Variants in GRIK4 observed in about 807,000 individuals in gnomAD.
The protein encoded by GRIK4 is glutamate receptor ionotropic, kainate 4.
Under a neutral mutation model 104.9 loss-of-function variants are expected in GRIK4, and 40 were observed. The ratio of observed to expected loss-of-function variants is 0.38; its 90% CI spans 0.30 to 0.50. The LOEUF (loss-of-function observed/expected upper bound fraction) is 0.50, where lower values mean the gene tolerates loss of function less well. Ranked by LOEUF, GRIK4 falls within the 20% of genes least tolerant of loss-of-function variation. GRIK4 has a pLI of 0.93. For missense variants in GRIK4, 1,047 were observed against 1,308.1 expected (o/e 0.80, Z 3.08); for synonymous variants, 485 against 524.9 (o/e 0.92, Z 1.04).
At chr11:120,828,737 C>T (rs1953339801) in intron 6 of GRIK4, among the ~76,000 whole-genome samples, 1 of 152,166 alleles carries the variant, frequency 6.6e-6, no homozygotes, top group African/African-American at 2.4e-5. Flanking sequence ...GCCGCCTCCT[C>T]CTCTCTCCTG....
chr11:120,671,630 C>T (rs10892597), intron 3 of GRIK4, among the ~76,000 whole-genome samples: 24,923 of 152,020 alleles, frequency 0.16, 2,281 homozygotes, highest in South Asian at 0.23. Context: ...GGATATTAGC[C>T]CTTGTCAGAT....
intron 3 of GRIK4, among the ~76,000 whole-genome samples, chr11:120,688,788 G>A (rs1950312534): frequency 6.6e-6 from 1 of 152,178 alleles, no homozygotes; most frequent in Admixed American, 6.5e-5. Flanking sequence ...GTCAGAAAGG[G>A]CGTGAGATGT....
At chr11:120,795,635 A>G (rs1952495906) in intron 3 of GRIK4, among the ~76,000 whole-genome samples, 1 of 152,254 alleles carries the variant, frequency 6.6e-6, no homozygotes, top group Admixed American at 6.5e-5. Flanking sequence ...TAGACAAATC[A>G]GCATAATGAA....
intron 3 of GRIK4, among the ~76,000 whole-genome samples, chr11:120,701,362 T>G (rs1323212079): frequency 6.6e-6 from 1 of 152,212 alleles, no homozygotes; most frequent in Non-Finnish European, 1.5e-5. Context: ...CACATTTAAG[T>G]GAGATCATGC....
At chr11:120,670,951 T>C (rs10082646) in intron 3 of GRIK4, among the ~76,000 whole-genome samples, 27,354 of 151,882 alleles carry the variant, frequency 0.18, 2,898 homozygotes, top group African/African-American at 0.28. Flanking sequence ...TGAGAACATG[T>C]GGTGTTTGGT....
At chr11:120,901,755 G>A (rs570574116) in intron 12 of GRIK4, among the ~76,000 whole-genome samples, 5 of 152,276 alleles carry the variant, frequency 3.3e-5, no homozygotes, top group South Asian at 4.1e-4. Context: ...GAATTACACC[G>A]TGCTTGGAGT....
chr11:120,577,605 G>A (rs772044644), intron 1 of GRIK4, among the ~76,000 whole-genome samples: 5 of 152,162 alleles, frequency 3.3e-5, no homozygotes, highest in Non-Finnish European at 7.3e-5. Flanking sequence ...CCAGGCAGAG[G>A]GATTGTAAAA....
At chr11:120,900,686 A>G (rs993183237) in intron 12 of GRIK4, among the ~76,000 whole-genome samples, 2 of 151,964 alleles carry the variant, frequency 1.3e-5, no homozygotes, top group African/African-American at 4.8e-5. Context: ...TTGAGCAGAG[A>G]CCTGGTGGAG....
intron 1 of GRIK4, among the ~76,000 whole-genome samples, chr11:120,580,045 T>C (rs1948549473): frequency 6.6e-6 from 1 of 152,230 alleles, no homozygotes. Context: ...TTGCTGCATA[T>C]GTGAGTAGTT....
At chr11:120,974,886 CTTAT>C (rs1175325388) in intron 19 of GRIK4, among the ~76,000 whole-genome samples, 3 of 152,198 alleles carry the variant, frequency 2.0e-5, no homozygotes, top group Non-Finnish European at 4.4e-5. Context: ...TCAAAAAACA[CTTAT>C]TTATTTATTT....
In GRIK4 at chr11:120,762,493, T is replaced by C. The variant is rs367955853; in HGVS notation, c.83-40200T>C. Among the ~76,000 whole-genome samples the C allele has an allele frequency of 2.6e-4, 39 of 152,322 alleles. 1 individual carries two copies. In the East Asian group the frequency reaches 7.3e-3, roughly 29 times the overall value. On this transcript the variant is annotated intron_variant, in intron 3 of 20. Transcript: ENST00000527524. ...CCAATACTGTGTTGAATAGGAGTGG[T>C]GAGAGAGGGCATCCTTGTCTTGTGC...
At chr11:120,718,640 G>A (rs10502241) in intron 3 of GRIK4, among the ~76,000 whole-genome samples, 8,050 of 152,304 alleles carry the variant, frequency 0.053, 702 homozygotes, top group African/African-American at 0.18. Flanking sequence ...AGCATTGTCT[G>A]TACGCTGAAG....
intron 3 of GRIK4, among the ~76,000 whole-genome samples, chr11:120,676,915 G>T (rs889033244): frequency 6.6e-6 from 1 of 152,218 alleles, no homozygotes; most frequent in African/African-American, 2.4e-5. Context: ...AGGCTAAGCC[G>T]CTGGAAAACC....
rs147035215 is a variant in GRIK4 at position 120,683,034 on chromosome 11, G to A, written c.82+22634G>A. On this transcript the variant is annotated intron_variant, in intron 3 of 20. Transcript: ENST00000527524. ...GCTTATACCCTCCTTGTGTGTCATC[G>A]TTCCTCAGAGATACCTTCATTGTAG... is the stretch of plus-strand genomic sequence containing the variant. Among the ~76,000 whole-genome samples, 44 of 152,024 alleles carry A rather than the reference G, an allele frequency of 2.9e-4. 2 individuals carry two copies. The East Asian group carries it at 8.3e-3, about 29-fold the overall frequency.
intron 1 of GRIK4, among the ~76,000 whole-genome samples, chr11:120,643,379 C>T (rs1232967632): frequency 6.6e-6 from 1 of 152,152 alleles, no homozygotes; most frequent in Non-Finnish European, 1.5e-5. Flanking sequence ...AGCACAGGCC[C>T]CAAGGTGGGA....
intron 13 of GRIK4, among the ~76,000 whole-genome samples, chr11:120,910,710 C>A (rs1298947945): frequency 1.3e-5 from 2 of 152,132 alleles, no homozygotes; most frequent in African/African-American, 2.4e-5. Context: ...CATTCAGGTA[C>A]AAAGATGTCT....
intron 3 of GRIK4, among the ~76,000 whole-genome samples, chr11:120,739,125 G>A (rs1485844105): frequency 1.3e-5 from 2 of 152,188 alleles, no homozygotes; most frequent in African/African-American, 2.4e-5. Context: ...GAGTTTCCAA[G>A]GCTCAATCCC....
At chr11:120,864,600 AC>A (rs908251602) in intron 9 of GRIK4, among the ~76,000 whole-genome samples, 16 of 152,208 alleles carry the variant, frequency 1.1e-4, no homozygotes, top group African/African-American at 3.9e-4. Flanking sequence ...GGAGAAAAAA[AC>A]ATCTGTCTCT....
intron 1 of GRIK4, among the ~76,000 whole-genome samples, chr11:120,597,657 T>A (rs1312869120): frequency 6.6e-6 from 1 of 152,222 alleles, no homozygotes; most frequent in African/African-American, 2.4e-5. Flanking sequence ...GTGGGGGTCC[T>A]GAGGTGGTGG....
Sources: gnomAD v4.1 joint callset for allele counts (sites outside exome capture counted in the v4.1 genomes callset) on GRCh38, gnomAD v4.1.1 for gene constraint, MANE v1.5 for transcripts, NCBI Gene and HGNC (gene_info 2026-07-23, HGNC 2026-07-21) for gene names.